The following UBA6 variants were observed in gnomAD, a reference collection of about 807,000 sequenced individuals.
The protein encoded by UBA6 is ubiquitin-like modifier-activating enzyme 6.
A neutral mutation model predicts 148.3 loss-of-function variants in UBA6; 87 were observed. The observed-to-expected ratio is 0.59, with a 90% CI of 0.49 to 0.70. The LOEUF is 0.70. UBA6 is among the 30% of genes least tolerant of loss of function. The probability of loss-of-function intolerance (pLI) is 0.00; values close to 1 mark genes in which losing one functional copy is unlikely to be tolerated. For synonymous variants in UBA6, 376 were observed against 401.0 expected (o/e 0.94, Z 0.75); for missense variants, 1,186 against 1,241.2 (o/e 0.96, Z 0.67).
At chr4:67,627,927 C>T (rs1728907538) in intron 27 of UBA6, among the ~76,000 whole-genome samples, 1 of 142,070 alleles carries the variant, frequency 7.0e-6, no homozygotes, top group Non-Finnish European at 1.5e-5. Flanking sequence ...TTTACCAATA[C>T]TCCCTATTGC....
At chr4:67,643,690 A>G (rs764103232) in intron 17 of UBA6, among the ~76,000 whole-genome samples, 5 of 152,020 alleles carry the variant, frequency 3.3e-5, no homozygotes, top group Non-Finnish European at 7.4e-5. Context: ...GCTTGGCTAC[A>G]TTACACTTAA....
At position 67,660,853 on chromosome 4, in the gene UBA6, C is replaced by G. The variant is rs531750386; in HGVS notation, c.1104+1336G>C. Among the ~76,000 whole-genome samples the G allele has an allele frequency of 2.0e-5, 3 of 152,332 alleles. No individual in the cohort carries two copies. The South Asian group carries it at 6.2e-4, about 32-fold the overall frequency. Reference sequence around the variant, plus strand: ...GGAAGGGGGGCTGTACCTTGCATAACCACAGGGTGAAGCTGCCCAAGACCA... The same window carrying G: ...GGAAGGGGGGCTGTACCTTGCATAAGCACAGGGTGAAGCTGCCCAAGACCA... On this transcript the variant is annotated intron_variant, in intron 13 of 32. Coordinates refer to ENST00000322244, the MANE Select transcript of UBA6 (RefSeq NM_018227.6).
chr4:67,635,579 T>TA, intron 19 of UBA6, 21 bp from the exon 20 acceptor site: 3 of 1,508,588 alleles, frequency 2.0e-6, no homozygotes, highest in Non-Finnish European at 2.8e-6. Flanking sequence ...AGACAGCAAG[T>TA]AAAAAACAAA....
In UBA6 at chr4:67,625,016, G is replaced by A; in HGVS notation, c.2690C>T (p.Thr897Ile). Residue 897 changes from threonine (T) to isoleucine (I), a missense_variant, in exon 29 of 33, where the codon ACC becomes ATC. Physicochemically the swap from Thr to Ile is moderately conservative, Grantham distance 89 (BLOSUM62 -1). Coordinates refer to ENST00000322244, the MANE Select transcript of UBA6 (RefSeq NM_018227.6). The part of the protein sequence containing the change: ...AGKIIPAIAT[T>I]TATVSGLVAL... ...TACCAAGCCAGAAACTGTAGCAGTG[G>A]TTGTTGCTATAGCAGGTATAATTTT... 1 of 1,608,830 alleles carries A rather than the reference G, an allele frequency of 6.2e-7. No individual in the cohort carries two copies. The highest frequency in any genetic ancestry group is 8.5e-7 in the Non-Finnish European group (1 of 1,176,332).
At chr4:67,654,931 CAA>C (rs375703178) in intron 13 of UBA6, among the ~76,000 whole-genome samples, 18,356 of 150,022 alleles carry the variant, frequency 0.12, 1,252 homozygotes, top group South Asian at 0.22. Flanking sequence ...CAACAAAGAT[CAA>C]AAGAGACAAA....
chr4:67,674,105 A>C (rs1442004247), intron 6 of UBA6, among the ~76,000 whole-genome samples: 1 of 152,242 alleles, frequency 6.6e-6, no homozygotes, highest in African/African-American at 2.4e-5. Context: ...ACTATCACAC[A>C]AATATTAACC....
chr4:67,679,312 A>C (rs1730372130), intron 4 of UBA6, among the ~76,000 whole-genome samples: 1 of 152,174 alleles, frequency 6.6e-6, no homozygotes, highest in South Asian at 2.1e-4. Context: ...GTGAAGGAGG[A>C]AACAAGGTAA....
At chr4:67,636,382 T>TCCC (rs1729140515) in intron 19 of UBA6, among the ~76,000 whole-genome samples, 4 of 151,858 alleles carry the variant, frequency 2.6e-5, no homozygotes, top group African/African-American at 4.9e-5. Flanking sequence ...CTCCCTCTCC[T>TCCC]GCTCCCGCTC....
At chr4:67,641,263 T>C (rs1423159582) in intron 17 of UBA6, 35 bp from the exon 18 acceptor site, 1 of 1,225,910 alleles carries the variant, frequency 8.2e-7, no homozygotes, top group Non-Finnish European at 1.2e-6. Flanking sequence ...AATTACATAA[T>C]GGATACCTTT....
intron 14 of UBA6, 29 bp downstream of exon 14, chr4:67,649,039 G>T: frequency 6.2e-7 from 1 of 1,600,910 alleles, no homozygotes. Context: ...CACGAGTAAA[G>T]AATTCAACTT....
chr4:67,696,786 G>T, intron 1 of UBA6, 79 bp from the exon 2 acceptor site: 1 of 1,101,322 alleles, frequency 9.1e-7, no homozygotes, highest in Non-Finnish European at 1.3e-6. Context: ...AGATTCACCA[G>T]TTACTAAAGG....
chr4:67,614,653 AGG>A lies in UBA6; in HGVS notation c.*4342_*4343del, dbSNP rs1450713728. The A allele has an allele frequency of 6.6e-6, 1 of 152,200 alleles. No individual in the cohort carries two copies. The highest frequency in any genetic ancestry group is 1.5e-5 in the Non-Finnish European group (1 of 68,030). The allele number at this position is 152,200 out of a possible 1,614,324, so 9.4% of individuals were successfully genotyped here. A position where few individuals can be genotyped will look rare whatever the true frequency, so the allele number is the denominator to read the frequency against. On this transcript the variant is annotated 3_prime_UTR_variant, in exon 33 of 33. Transcript: ENST00000322244. ...TATATAAGACTATCTTCATGACTCC[AGG>A]GTAGGGAATGGTTTTTTAAAACAAC...
chr4:67,649,188 C>T lies in UBA6; in HGVS notation c.1128G>A (p.Val376=), dbSNP rs143633574. Residue 376 remains valine (V), a synonymous_variant, in exon 14 of 33, where the codon GTG becomes GTA. Transcript: ENST00000322244. ...CTTGGGCAGTCCAAGAGAGCCAATG[C>T]ACAATGTCAGCATTTACATCAGGCT... The part of the protein sequence containing the change: ...EEKPDVNADI[V]HWLSWTAQGF... The T allele has an allele frequency of 3.8e-4, 613 of 1,611,682 alleles. 4 individuals are homozygous for T. The African/African-American group carries it at 7.2e-3, about 19-fold the overall frequency.
At chr4:67,627,834 G>A (rs1728904963) in intron 27 of UBA6, among the ~76,000 whole-genome samples, 1 of 150,592 alleles carries the variant, frequency 6.6e-6, no homozygotes, top group African/African-American at 2.4e-5. Flanking sequence ...GAACATACAA[G>A]AAAGGCATAT....
At chr4:67,666,883 A>C (rs1730011163) in intron 9 of UBA6, among the ~76,000 whole-genome samples, 1 of 152,146 alleles carries the variant, frequency 6.6e-6, no homozygotes, top group Non-Finnish European at 1.5e-5. Context: ...TCAAAAAAAG[A>C]AGCAAAAAAC....
At chr4:67,636,197 T>C (rs933101229) in intron 19 of UBA6, among the ~76,000 whole-genome samples, 2 of 152,164 alleles carry the variant, frequency 1.3e-5, no homozygotes, top group African/African-American at 4.8e-5. Flanking sequence ...GGAAAGTAAA[T>C]GGTCCCTGGA....
chr4:67,647,186 T>G (rs2109917773), intron 14 of UBA6, among the ~76,000 whole-genome samples: 1 of 152,314 alleles, frequency 6.6e-6, no homozygotes, highest in South Asian at 2.1e-4. Context: ...TTTTTGATTT[T>G]TTGAGACAGA....
chr4:67,695,342 C>A (rs1032168719), intron 2 of UBA6, among the ~76,000 whole-genome samples: 3 of 152,270 alleles, frequency 2.0e-5, no homozygotes, highest in Non-Finnish European at 4.4e-5. Context: ...TACACTATTT[C>A]TTCTGCTTAG....
At chr4:67,685,100 C>G (rs6819987) in intron 2 of UBA6, among the ~76,000 whole-genome samples, 9 of 152,072 alleles carry the variant, frequency 5.9e-5, no homozygotes, top group Non-Finnish European at 1.2e-4. Flanking sequence ...AAAAAACAAC[C>G]ATCAGTTCCC....
Sources: allele counts gnomAD v4.1 joint callset (sites outside exome capture counted in the v4.1 genomes callset), GRCh38; gene constraint gnomAD v4.1.1; transcripts MANE v1.5; gene names NCBI Gene and HGNC (gene_info 2026-07-23, HGNC 2026-07-21).